PCDHA8: variants seen among roughly 807,000 people sequenced by gnomAD.
The protein encoded by PCDHA8 is protocadherin alpha-8.
PCDHA8 carries 53 observed loss-of-function variants against 61.8 expected under a neutral mutation model. That is an observed-to-expected ratio of 0.86 (90% CI 0.69 to 1.08). The LOEUF (loss-of-function observed/expected upper bound fraction) is 1.08. Ranked by LOEUF, PCDHA8 falls within the 50% of genes least tolerant of loss-of-function variation. The probability of loss-of-function intolerance (pLI) is 0.00; values close to 1 mark genes in which losing one functional copy is unlikely to be tolerated. For missense variants in PCDHA8, 1,293 were observed against 1,245.0 expected, an observed-to-expected ratio of 1.04 and a Z score of -0.58; for synonymous variants, 618 against 556.6, an observed-to-expected ratio of 1.11 and a Z score of -1.55.
chr5:141,001,461 C>G (rs2098019350), intron 3 of PCDHA8, among the ~76,000 whole-genome samples: 1 of 152,214 alleles, frequency 6.6e-6, no homozygotes, highest in South Asian at 2.1e-4. Context: ...AATTGAAGGA[C>G]TAAGCAGCAG....
At position 140,871,619 on chromosome 5, in the gene PCDHA8, A is replaced by G. The variant is rs1214249274; in HGVS notation, c.2394+27904A>G. ...ACCAGTGTTTTGAATATTGTTTTAG[A>G]TAACAATGTCTGTTCATAAAATACC... On this transcript the variant is annotated intron_variant, in intron 1 of 3. Coordinates refer to ENST00000531613, the MANE Select transcript of PCDHA8 (RefSeq NM_018911.3). 17 of 1,415,418 alleles carry G rather than the reference A, an allele frequency of 1.2e-5. No individual in the cohort carries two copies. In the Admixed American group the frequency reaches 3.9e-4, roughly 33 times the overall value. The allele number at this position is 1,415,418 out of a possible 1,614,324, so 87.7% of individuals were successfully genotyped here.
chr5:140,862,363 C>T, intron 1 of PCDHA8: 1 of 339,946 alleles, frequency 2.9e-6, no homozygotes, highest in Non-Finnish European at 5.8e-6. Context: ...GACAGACGAC[C>T]CGCACCCTGA....
chr5:140,934,040 T>C (rs185239175), intron 1 of PCDHA8, among the ~76,000 whole-genome samples: 230 of 152,238 alleles, frequency 1.5e-3, no homozygotes, highest in African/African-American at 5.3e-3. Flanking sequence ...ATTAATGATA[T>C]TAGTCTTTCC....
chr5:140,926,054 T>C (rs1018660828), intron 1 of PCDHA8, among the ~76,000 whole-genome samples: 1 of 152,182 alleles, frequency 6.6e-6, no homozygotes, highest in Non-Finnish European at 1.5e-5. Flanking sequence ...CCCAACCTTC[T>C]TCCCCTCCTT....
chr5:140,950,040 C>T (rs1053592525), intron 1 of PCDHA8, among the ~76,000 whole-genome samples: 4 of 151,718 alleles, frequency 2.6e-5, no homozygotes, highest in Non-Finnish European at 5.9e-5. Flanking sequence ...AAGTTACAAC[C>T]ATATAAGACT....
At chr5:140,863,858 G>A (rs2048210654) in intron 1 of PCDHA8, 1 of 177,150 alleles carries the variant, frequency 5.6e-6, no homozygotes, top group Non-Finnish European at 1.2e-5. Flanking sequence ...AAAATTAGCT[G>A]GGTGTGGTGG....
chr5:140,851,007 T>G, intron 1 of PCDHA8: 1 of 1,436,880 alleles, frequency 7.0e-7, no homozygotes, highest in Non-Finnish European at 9.2e-7. Context: ...CCAGCAGATT[T>G]TTTTTCTGAT....
chr5:140,994,658 T>C (rs2097643677), intron 3 of PCDHA8, among the ~76,000 whole-genome samples: 1 of 152,024 alleles, frequency 6.6e-6, no homozygotes, highest in African/African-American at 2.4e-5. Flanking sequence ...TGAGCTGAGA[T>C]CACACTACTG....
intron 1 of PCDHA8, chr5:140,847,393 A>G (rs997317821): frequency 1.3e-5 from 2 of 149,740 alleles, no homozygotes; most frequent in African/African-American, 4.9e-5. Context: ...AAAAACATTA[A>G]TGGCACAATA....
chr5:140,853,245 C>T lies in PCDHA8; in HGVS notation c.2394+9530C>T. On this transcript the variant is annotated intron_variant, in intron 1 of 3. Coordinates refer to ENST00000531613, the MANE Select transcript of PCDHA8 (RefSeq NM_018911.3). ...TGGTAATTTAGTCCTTCATATTAAT[C>T]TCTATTCTCTCTCAGAGTACAAGCT... The T allele has an allele frequency of 2.1e-6, 2 of 975,340 alleles. 1 individual carries two copies. The highest frequency in any genetic ancestry group is 2.5e-6 in the Non-Finnish European group (2 of 808,438). The allele number at this position is 975,340 out of a possible 1,614,324, so 60.4% of individuals were successfully genotyped here.
At chr5:140,882,424 G>A in intron 1 of PCDHA8, 1 of 1,614,114 alleles carries the variant, frequency 6.2e-7, no homozygotes, top group Non-Finnish European at 8.5e-7. Context: ...CTCAGGACCT[G>A]GGGCTGGAGC....
At position 140,927,384 on chromosome 5, in the gene PCDHA8, C is replaced by G. The variant is rs2084146194; in HGVS notation, c.2395-51565C>G. On this transcript the variant is annotated intron_variant, in intron 1 of 3. Transcript: ENST00000531613. Reference sequence around the variant, plus strand: ...ATGGGATACTAAGCTACAGCCTAAGCCCCAGTCAGCACTTTCGCCTGGACA... The same window carrying G: ...ATGGGATACTAAGCTACAGCCTAAGGCCCAGTCAGCACTTTCGCCTGGACA... 1 of 1,613,996 alleles carries G rather than the reference C, an allele frequency of 6.2e-7. No individual in the cohort carries two copies. The highest frequency in any genetic ancestry group is 1.7e-5 in the Admixed American group (1 of 60,010).
intron 1 of PCDHA8, among the ~76,000 whole-genome samples, chr5:140,955,336 T>G (rs1294171389): frequency 1.3e-5 from 2 of 152,144 alleles, no homozygotes; most frequent in African/African-American, 2.4e-5. Context: ...GTTCCCATAA[T>G]CCCCACATGT....
rs782009999 is a variant in PCDHA8, at chr5:140,928,473, C to G, written c.2395-50476C>G. 25 of 1,614,096 alleles carry G rather than the reference C, an allele frequency of 1.5e-5. No individual in the cohort carries two copies. The East Asian group carries it at 2.5e-4, about 16-fold the overall frequency. ...GGGGGTTTCATTTCCAAGTAGAAGGCCGGGATGGTGGCATTCCTCCCAGAA... is the reference window on the plus strand; with the variant it reads ...GGGGGTTTCATTTCCAAGTAGAAGGGCGGGATGGTGGCATTCCTCCCAGAA... On this transcript the variant is annotated intron_variant, in intron 1 of 3. Transcript: ENST00000531613.
chr5:140,892,497 T>C (rs1459778884), intron 1 of PCDHA8, among the ~76,000 whole-genome samples: 1 of 152,238 alleles, frequency 6.6e-6, no homozygotes, highest in Non-Finnish European at 1.5e-5. Context: ...GAGAGATTGT[T>C]TAAGAAGTTC....
intron 1 of PCDHA8, chr5:140,865,372 A>G (rs2048845131): frequency 6.6e-6 from 1 of 152,208 alleles, no homozygotes; most frequent in Non-Finnish European, 1.5e-5. Flanking sequence ...TAACCATGTT[A>G]TAGGTAGGGT....
Position 140,927,154 on chromosome 5 carries a change from A to C in PCDHA8, c.2395-51795A>C, listed in dbSNP as rs141284501. 8 of 1,614,050 alleles carry C rather than the reference A, an allele frequency of 5.0e-6. No individual in the cohort carries two copies. The African/African-American group carries it at 8.0e-5, about 16-fold the overall frequency. On this transcript the variant is annotated intron_variant, in intron 1 of 3. Transcript: ENST00000531613. ...GCCGGCGGACCGCGAACAGCTGTGC[A>C]GGGCCAAAGCTGCCTGCGTCTTGAC...
intron 1 of PCDHA8, chr5:140,856,200 T>C (rs1463727286): frequency 6.3e-7 from 1 of 1,597,908 alleles, no homozygotes; most frequent in Non-Finnish European, 8.6e-7. Flanking sequence ...GCGCAGGACC[T>C]GGGGCTGGAG....
intron 1 of PCDHA8, among the ~76,000 whole-genome samples, chr5:140,957,961 G>C (rs1188264296): frequency 6.6e-6 from 1 of 152,048 alleles, no homozygotes; most frequent in Non-Finnish European, 1.5e-5. Flanking sequence ...TATTAATTCA[G>C]AGATGCTGTA....
Sources: allele counts gnomAD v4.1 joint callset (sites outside exome capture counted in the v4.1 genomes callset), GRCh38; gene constraint gnomAD v4.1.1; transcripts MANE v1.5; gene names NCBI Gene and HGNC (gene_info 2026-07-23, HGNC 2026-07-21).